RARB: variants seen among roughly 807,000 people sequenced by gnomAD.
RARB encodes the protein HBV-activated protein.
Under a neutral mutation model 51.9 loss-of-function variants are expected in RARB, and 17 were observed. That is an observed-to-expected ratio of 0.33 (90% confidence interval 0.22 to 0.49). The LOEUF (loss-of-function observed/expected upper bound fraction) is 0.49. RARB is among the 20% of genes least tolerant of loss of function. The probability of loss-of-function intolerance (pLI) is 0.99; values close to 1 mark genes in which losing one functional copy is unlikely to be tolerated. For missense variants in RARB, 369 were observed against 550.8 expected, an observed-to-expected ratio of 0.67 and a Z score of 3.30; for synonymous variants, 215 against 195.4, an observed-to-expected ratio of 1.10 and a Z score of -0.84.
chr3:24,993,089 G>A (rs1304669266), intron 2 of RARB, among the ~76,000 whole-genome samples: 2 of 151,952 alleles, frequency 1.3e-5, no homozygotes, highest in Non-Finnish European at 2.9e-5. Flanking sequence ...CCAACTCCAT[G>A]GATATTTCCA....
At chr3:24,918,435 TC>T (rs1203048821) in intron 2 of RARB, among the ~76,000 whole-genome samples, 1 of 152,080 alleles carries the variant, frequency 6.6e-6, no homozygotes, top group African/African-American at 2.4e-5. Flanking sequence ...GAAAGTGGGG[TC>T]TTTTTGGGGT....
intron 5 of RARB, among the ~76,000 whole-genome samples, chr3:25,254,185 G>A (rs906438536): frequency 1.6e-4 from 24 of 152,106 alleles, no homozygotes; most frequent in Admixed American, 6.6e-5. Flanking sequence ...CATGGAATAA[G>A]GAGTTTAATA....
At chr3:25,554,212 C>G (rs1345613051) in intron 3 of RARB, among the ~76,000 whole-genome samples, 1 of 149,242 alleles carries the variant, frequency 6.7e-6, no homozygotes, top group Non-Finnish European at 1.5e-5. Flanking sequence ...CAACTGACAT[C>G]TAGTATGTTG....
At chr3:25,201,703 C>T (rs539256277) in intron 5 of RARB, among the ~76,000 whole-genome samples, 162 of 152,132 alleles carry the variant, frequency 1.1e-3, no homozygotes, top group Non-Finnish European at 1.0e-3. Context: ...TGGTTTTTGT[C>T]GTTGGTTCTG....
At chr3:25,466,703 G>A (rs964523255) in intron 2 of RARB, among the ~76,000 whole-genome samples, 1 of 152,176 alleles carries the variant, frequency 6.6e-6, no homozygotes, top group South Asian at 2.1e-4. Context: ...TACAGAGGTT[G>A]CCAAATTGCT....
intron 3 of RARB, among the ~76,000 whole-genome samples, chr3:25,113,343 A>T (rs902982716): frequency 1.3e-5 from 2 of 152,202 alleles, no homozygotes; most frequent in Non-Finnish European, 2.9e-5. Context: ...ATGTTTTAGC[A>T]TCACTGTAAA....
intron 3 of RARB, among the ~76,000 whole-genome samples, chr3:25,531,793 C>A (rs758513825): frequency 1.3e-5 from 2 of 149,796 alleles, no homozygotes; most frequent in Admixed American, 6.7e-5. Flanking sequence ...TGTCAGAATT[C>A]TTTTCTGCCA....
intron 1 of RARB, among the ~76,000 whole-genome samples, chr3:24,832,300 T>C (rs1047340303): frequency 6.6e-6 from 1 of 152,176 alleles, no homozygotes; most frequent in African/African-American, 2.4e-5. Context: ...CCCATACAAA[T>C]ATGCTGATCT....
At chr3:25,261,724 C>CACACTT (rs1703002165) in intron 5 of RARB, among the ~76,000 whole-genome samples, 1 of 152,044 alleles carries the variant, frequency 6.6e-6, no homozygotes, top group Admixed American at 6.6e-5. Context: ...GTATCTCACT[C>CACACTT]GAGGGCACCT....
At chr3:24,970,776 A>G (rs185647913) in intron 2 of RARB, among the ~76,000 whole-genome samples, 31 of 151,918 alleles carry the variant, frequency 2.0e-4, no homozygotes, top group African/African-American at 7.5e-4. Context: ...TAGTTCATAA[A>G]CTTATATTTC....
intron 2 of RARB, among the ~76,000 whole-genome samples, chr3:25,492,396 A>G (rs1485533768): frequency 6.6e-6 from 1 of 152,226 alleles, no homozygotes; most frequent in Non-Finnish European, 1.5e-5. Context: ...TTCCTCTAAA[A>G]TAAAGAACAT....
intron 5 of RARB, among the ~76,000 whole-genome samples, chr3:25,185,062 T>C (rs752988997): frequency 8.5e-5 from 13 of 152,220 alleles, no homozygotes; most frequent in Non-Finnish European, 1.6e-4. Flanking sequence ...TCTTTCTACA[T>C]GTGCATGTGC....
intron 2 of RARB, among the ~76,000 whole-genome samples, chr3:24,885,654 T>C (rs1475327696): frequency 6.6e-6 from 1 of 152,118 alleles, no homozygotes; most frequent in Non-Finnish European, 1.5e-5. Context: ...AGTAGCAGTG[T>C]CCAGTGTTAA....
intron 2 of RARB, among the ~76,000 whole-genome samples, chr3:24,899,477 T>C (rs569579437): frequency 2.6e-5 from 4 of 152,314 alleles, no homozygotes; most frequent in South Asian, 4.1e-4. Context: ...CCGAATATTA[T>C]ATGGTTTTCT....
chr3:25,235,603 A>G (rs938226257), intron 5 of RARB, among the ~76,000 whole-genome samples: 1 of 152,158 alleles, frequency 6.6e-6, no homozygotes, highest in Non-Finnish European at 1.5e-5. Context: ...CACAGACAAA[A>G]CATTCCATAG....
rs548754016 is a variant in RARB, at chr3:25,274,688, T to G, written c.178+100113T>G. ...TGGCTCTGCAGGGCTTTGGAGGGCT[T>G]AGTGGGAATCAGCTGGACTTGACTT... On this transcript the variant is annotated intron_variant, in intron 5 of 11. Transcript: ENST00000383772. Among the ~76,000 whole-genome samples, 6 of 152,286 alleles carry G rather than the reference T, an allele frequency of 3.9e-5. No individual in the cohort carries two copies. The South Asian group carries it at 1.2e-3, about 32-fold the overall frequency.
intron 5 of RARB, among the ~76,000 whole-genome samples, chr3:25,246,072 C>T (rs935058469): frequency 7.9e-5 from 12 of 151,844 alleles, no homozygotes; most frequent in African/African-American, 2.9e-4. Flanking sequence ...TTAAGTTGAT[C>T]TTCAATCTCT....
intron 3 of RARB, among the ~76,000 whole-genome samples, chr3:25,517,780 T>C (rs956039090): frequency 6.6e-6 from 1 of 152,214 alleles, no homozygotes; most frequent in Non-Finnish European, 1.5e-5. Context: ...TAAAATATGA[T>C]ATATCCTTAC....
chr3:25,173,653 A>G (rs1700684670), intron 4 of RARB, among the ~76,000 whole-genome samples: 1 of 152,232 alleles, frequency 6.6e-6, no homozygotes, highest in African/African-American at 2.4e-5. Context: ...TCCCTAAAAA[A>G]GCAAGAAAAA....
Sources: gnomAD v4.1 joint callset for allele counts (sites outside exome capture counted in the v4.1 genomes callset) on GRCh38, gnomAD v4.1.1 for gene constraint, MANE v1.5 for transcripts, NCBI Gene and HGNC (gene_info 2026-07-23, HGNC 2026-07-21) for gene names.